LRRC28: variants seen among roughly 807,000 people sequenced by gnomAD.
LRRC28 encodes the protein leucine rich repeat containing 28, also known as leucine-rich repeat-containing protein 28.
In LRRC28, 39 loss-of-function variants were observed where a neutral mutation model predicts 45.7. The observed-to-expected ratio is 0.85, with a 90% CI of 0.66 to 1.12. The LOEUF (loss-of-function observed/expected upper bound fraction) is 1.12, where lower values mean the gene tolerates loss of function less well. LRRC28 is among the 50% of genes most tolerant of loss of function. The probability of loss-of-function intolerance (pLI) is 0.00; values close to 1 mark genes in which losing one functional copy is unlikely to be tolerated. For synonymous variants in LRRC28, 206 were observed against 178.8 expected, an observed-to-expected ratio of 1.15 and a Z score of -1.22; for missense variants, 435 against 438.5, an observed-to-expected ratio of 0.99 and a Z score of 0.07.
Position 99,287,256 on chromosome 15 carries a change from G to T in LRRC28, c.210-1G>T. The T allele has an allele frequency of 6.4e-7, 1 of 1,570,944 alleles. No homozygotes were observed. The highest frequency in any genetic ancestry group is 8.6e-7 in the Non-Finnish European group (1 of 1,162,040). On this transcript the variant is annotated splice_acceptor_variant, in intron 3 of 9. Coordinates refer to ENST00000301981, the MANE Select transcript of LRRC28 (RefSeq NM_144598.5). LOFTEE classifies it high-confidence loss of function. ...CTGTTTTTTTTCTTTTTCCTTCCTA[G>T]ATACCTGCACTCAAATAACATAGTT...
chr15:99,278,009 T>TGTTA (rs1287778696), intron 3 of LRRC28, among the ~76,000 whole-genome samples: 2 of 152,222 alleles, frequency 1.3e-5, no homozygotes, highest in African/African-American at 4.8e-5. Flanking sequence ...GATTTTTGCG[T>TGTTA]GTTAACTTTA....
Position 99,389,718 on chromosome 15 carries a change from A to G in LRRC28, c.*3616A>G, listed in dbSNP as rs368743710. Reference sequence around the variant, plus strand: ...TTTTCATTCACTCCTGCTTGCTTCTATTGAGGTTCTCCTACATTTCCCAGA... The same window carrying G: ...TTTTCATTCACTCCTGCTTGCTTCTGTTGAGGTTCTCCTACATTTCCCAGA... On this transcript the variant is annotated 3_prime_UTR_variant, in exon 10 of 10. Transcript: ENST00000301981. 2 of 152,026 alleles carry G rather than the reference A, an allele frequency of 1.3e-5. No individual in the cohort carries two copies. The highest frequency in any genetic ancestry group is 2.4e-5 in the African/African-American group (1 of 41,388). 9.4% of individuals were successfully genotyped at this position (152,026 alleles called of 1,614,324 possible). A position where few individuals can be genotyped will look rare whatever the true frequency, so the allele number is the denominator to read the frequency against.
intron 2 of LRRC28, among the ~76,000 whole-genome samples, chr15:99,263,491 C>G (rs960402685): frequency 6.6e-6 from 1 of 152,032 alleles, no homozygotes; most frequent in Non-Finnish European, 1.5e-5. Context: ...AATATAGGGT[C>G]TGGGTTTGTC....
rs769315691 is a variant in LRRC28, at chr15:99,339,828, A to G, written c.592+5699A>G. 1.4e-4 allele frequency among the ~76,000 whole-genome samples: 21 copies of G among 152,266 alleles called. 2 individuals carry two copies. Among genetic ancestry groups the G allele is most frequent in the Non-Finnish European group, 2.9e-5 (2 of 68,050 alleles). On this transcript the variant is annotated intron_variant, in intron 6 of 9. Transcript: ENST00000301981. ...ACGTAGTAAGCCCAACAGCTAGTAGAAAATAACTTTCTACGAGGGAAAATT... is the reference window on the plus strand; with the variant it reads ...ACGTAGTAAGCCCAACAGCTAGTAGGAAATAACTTTCTACGAGGGAAAATT...
rs1294891842 is a variant in LRRC28 at position 99,256,078 on chromosome 15, C to G, written c.121C>G (p.Gln41Glu). The G allele has an allele frequency of 6.8e-6, 11 of 1,613,596 alleles. No individual in the cohort carries two copies. In the African/African-American group the frequency reaches 1.3e-4, roughly 20 times the overall value. The change falls in exon 2 of 10, where the codon CAG (glutamine) becomes GAG (glutamate). Residue 41 changes from glutamine (Q) to glutamate (E), a missense_variant. Transcript: ENST00000301981. The stretch of plus-strand genomic sequence containing the variant: ...GGAGTTACTGAAAGATGAGGGACTG[C>G]AGTACTTGGAGAGACTCTATATGAA... ...PLELLKDEGL[Q>E]YLERLYMKRN...
chr15:99,253,341 G>A (rs926053551), intron 1 of LRRC28, among the ~76,000 whole-genome samples: 1 of 152,124 alleles, frequency 6.6e-6, no homozygotes, highest in East Asian at 1.9e-4. Context: ...GGCTGGTCTC[G>A]AACTCCTCAC....
chr15:99,257,416 T>C (rs1270840813), intron 2 of LRRC28, among the ~76,000 whole-genome samples: 1 of 152,222 alleles, frequency 6.6e-6, no homozygotes, highest in Non-Finnish European at 1.5e-5. Flanking sequence ...TGTTTGTTCT[T>C]TATGTATAAA....
chr15:99,287,143 C>T (rs2152209013), intron 3 of LRRC28, 114 bp from the exon 4 acceptor site: 1 of 806,500 alleles, frequency 1.2e-6, no homozygotes, highest in Non-Finnish European at 1.9e-6. Flanking sequence ...GAGTAGGGTG[C>T]AAAAGTTGTG....
chr15:99,375,349 T>C (rs371607048), intron 9 of LRRC28, among the ~76,000 whole-genome samples: 22 of 152,334 alleles, frequency 1.4e-4, no homozygotes, highest in East Asian at 9.6e-4. Context: ...TAATTCTTTT[T>C]GTACATTTCT....
intron 2 of LRRC28, among the ~76,000 whole-genome samples, chr15:99,262,717 C>T (rs897223301): frequency 6.6e-6 from 1 of 151,876 alleles, no homozygotes; most frequent in African/African-American, 2.4e-5. Flanking sequence ...GATCCTGGCT[C>T]ACTGCAGCCG....
At chr15:99,274,858 A>G (rs1274310583) in intron 2 of LRRC28, among the ~76,000 whole-genome samples, 3 of 152,184 alleles carry the variant, frequency 2.0e-5, no homozygotes, top group Admixed American at 6.5e-5. Context: ...TTAGAAAGCT[A>G]TACAGAACTA....
intron 6 of LRRC28, among the ~76,000 whole-genome samples, chr15:99,346,451 A>C (rs1388320233): frequency 6.6e-6 from 1 of 152,272 alleles, no homozygotes; most frequent in Non-Finnish European, 1.5e-5. Flanking sequence ...TTTTAATACA[A>C]TAAGAAATAA....
At chr15:99,290,685 C>G (rs777878734) in intron 5 of LRRC28, among the ~76,000 whole-genome samples, 2 of 151,998 alleles carry the variant, frequency 1.3e-5, no homozygotes, top group Non-Finnish European at 2.9e-5. Context: ...CATGGTGGTT[C>G]ACATCTGTAA....
At chr15:99,304,481 G>A (rs1955106638) in intron 5 of LRRC28, among the ~76,000 whole-genome samples, 1 of 150,548 alleles carries the variant, frequency 6.6e-6, no homozygotes, top group African/African-American at 2.4e-5. Flanking sequence ...CCCAGGCTGG[G>A]GTGCAGTGAT....
intron 5 of LRRC28, among the ~76,000 whole-genome samples, chr15:99,298,359 G>C (rs1261791947): frequency 6.6e-6 from 1 of 152,200 alleles, no homozygotes; most frequent in Non-Finnish European, 1.5e-5. Flanking sequence ...CTAAGCTGAT[G>C]TGAGAGCAGT....
chr15:99,370,845 T>C lies in LRRC28; in HGVS notation c.1031+7580T>C, dbSNP rs569465189. ...ACATATTGAAACAATTGTGTATATA[T>C]AGAAAAAGTCTTGGGAAGGACTCAT... On this transcript the variant is annotated intron_variant, in intron 9 of 9. Transcript: ENST00000301981. Among the ~76,000 whole-genome samples the C allele has an allele frequency of 3.3e-5, 5 of 152,322 alleles. No homozygotes were observed. In the East Asian group the frequency reaches 9.6e-4, roughly 29 times the overall value.
intron 3 of LRRC28, among the ~76,000 whole-genome samples, chr15:99,283,308 A>G (rs1941048415): frequency 6.6e-6 from 1 of 151,702 alleles, no homozygotes; most frequent in Non-Finnish European, 1.5e-5. Context: ...TCCTGTTGTT[A>G]ACATCTTAGA....
intron 9 of LRRC28, among the ~76,000 whole-genome samples, chr15:99,364,066 G>C (rs11858067): frequency 1.3e-5 from 2 of 151,956 alleles, no homozygotes; most frequent in East Asian, 3.9e-4. Context: ...TTTGCTTGTA[G>C]TCATGTTAAT....
intron 6 of LRRC28, among the ~76,000 whole-genome samples, chr15:99,344,719 C>T (rs557590683): frequency 1.3e-5 from 2 of 152,278 alleles, no homozygotes; most frequent in East Asian, 3.9e-4. Flanking sequence ...TAAGAAGTAG[C>T]AAGTGTCAGC....
Sources: allele counts gnomAD v4.1 joint callset (sites outside exome capture counted in the v4.1 genomes callset), GRCh38; gene constraint gnomAD v4.1.1; transcripts MANE v1.5; gene names NCBI Gene and HGNC (gene_info 2026-07-23, HGNC 2026-07-21).